PLD1: variants seen among roughly 807,000 people sequenced by gnomAD.
The protein encoded by PLD1 is phospholipase D1.
A neutral mutation model predicts 137.1 loss-of-function variants in PLD1; 112 were observed. The ratio of observed to expected loss-of-function variants is 0.82; its 90% CI spans 0.70 to 0.96. The LOEUF (loss-of-function observed/expected upper bound fraction) is 0.96, where lower values mean the gene tolerates loss of function less well. Among genes scored for constraint, PLD1 ranks in the 40% least tolerant of loss-of-function variants. The pLI is 0.00. For missense variants in PLD1, 1,321 were observed against 1,342.0 expected (o/e 0.98, Z 0.24); for synonymous variants, 431 against 454.7 (o/e 0.95, Z 0.66).
chr3:171,614,847 GC>G (rs1732971106), intron 24 of PLD1, among the ~76,000 whole-genome samples: 1 of 152,112 alleles, frequency 6.6e-6, no homozygotes, highest in Non-Finnish European at 1.5e-5. Context: ...TCTCCCACGC[GC>G]CCCCATTCCT....
chr3:171,637,370 G>A (rs911739341), intron 23 of PLD1, among the ~76,000 whole-genome samples: 1 of 151,984 alleles, frequency 6.6e-6, no homozygotes, highest in African/African-American at 2.4e-5. Context: ...CGAGTAGCTG[G>A]GACTACAGGT....
At chr3:171,701,356 T>C (rs767574698) in intron 11 of PLD1, among the ~76,000 whole-genome samples, 3 of 152,206 alleles carry the variant, frequency 2.0e-5, no homozygotes, top group South Asian at 4.1e-4. Flanking sequence ...TGTTTTAAAA[T>C]AGTAAAATGC....
chr3:171,760,163 T>G (rs6769838), intron 1 of PLD1, among the ~76,000 whole-genome samples: 57,230 of 152,114 alleles, frequency 0.38, 11,128 homozygotes, highest in Middle Eastern at 0.63. Flanking sequence ...TTTACAGATC[T>G]ACACTTCCTA....
intron 23 of PLD1, among the ~76,000 whole-genome samples, chr3:171,641,759 A>G (rs895147627): frequency 2.5e-4 from 38 of 151,848 alleles, no homozygotes; most frequent in African/African-American, 9.0e-4. Flanking sequence ...CTTTTCCATT[A>G]CCAGTGCACC....
At position 171,780,020 on chromosome 3, in the gene PLD1, G is replaced by A. The variant is rs141943053; in HGVS notation, c.-32+30379C>T. On this transcript the variant is annotated intron_variant, in intron 1 of 26. Transcript: ENST00000351298. Reference sequence around the variant, plus strand: ...GATATGTAAGTCTGAGATTCAGGACGGGGGTTTATATACATAAGTCTGAGA... The same window carrying A: ...GATATGTAAGTCTGAGATTCAGGACAGGGGTTTATATACATAAGTCTGAGA... 4.8e-3 allele frequency among the ~76,000 whole-genome samples: 636 copies of A among 131,720 alleles called. 1 individual carries two copies. Among genetic ancestry groups the A allele is most frequent in the African/African-American group, 0.02 (604 of 30,256 alleles). The allele number at this position is 131,720 out of a possible 152,430, so 86.4% of individuals were successfully genotyped here.
intron 16 of PLD1, among the ~76,000 whole-genome samples, chr3:171,685,056 G>A (rs532633717): frequency 1.3e-5 from 2 of 152,324 alleles, no homozygotes; most frequent in East Asian, 1.9e-4. Context: ...GGCCACATGC[G>A]GCCCGGGATG....
chr3:171,655,955 C>T (rs1737153969), intron 21 of PLD1, among the ~76,000 whole-genome samples: 3 of 152,154 alleles, frequency 2.0e-5, no homozygotes, highest in South Asian at 2.1e-4. Flanking sequence ...TCCCATTTTT[C>T]ACAAAGCAAA....
chr3:171,732,384 G>GC (rs1244376748), intron 6 of PLD1, among the ~76,000 whole-genome samples: 3 of 152,144 alleles, frequency 2.0e-5, no homozygotes, highest in Non-Finnish European at 4.4e-5. Context: ...TCCATTGAAT[G>GC]CCCCAGTGCA....
intron 1 of PLD1, among the ~76,000 whole-genome samples, chr3:171,800,331 C>T (rs923935299): frequency 3.3e-5 from 5 of 152,228 alleles, no homozygotes; most frequent in African/African-American, 7.2e-5. Flanking sequence ...GCCTCAGCCT[C>T]CCAAGTAGCT....
intron 18 of PLD1, among the ~76,000 whole-genome samples, chr3:171,674,974 C>T (rs1484140921): frequency 1.5e-4 from 12 of 79,048 alleles, no homozygotes; most frequent in African/African-American, 5.9e-4. Context: ...AGTGAATCTC[C>T]ATCTCAAAAA....
chr3:171,694,423 G>C (rs1297376045), intron 12 of PLD1, among the ~76,000 whole-genome samples: 1 of 152,108 alleles, frequency 6.6e-6, no homozygotes, highest in Non-Finnish European at 1.5e-5. Flanking sequence ...GGTCTGGCCA[G>C]AGAGTGCTCT....
intron 8 of PLD1, among the ~76,000 whole-genome samples, chr3:171,719,008 GC>G (rs1415116606): frequency 6.6e-6 from 1 of 152,100 alleles, no homozygotes; most frequent in African/African-American, 2.4e-5. Flanking sequence ...GCCCACTTGA[GC>G]CAGCCCTCCC....
intron 1 of PLD1, among the ~76,000 whole-genome samples, chr3:171,765,913 T>TATCTACCTTA (rs1721951419): frequency 6.6e-6 from 1 of 152,232 alleles, no homozygotes; most frequent in Non-Finnish European, 1.5e-5. Flanking sequence ...CTCCGTATCC[T>TATCTACCTTA]TTATTAAATA....
rs138732747 is a variant in PLD1 at position 171,669,357 on chromosome 3, G to T, written c.2229+5143C>A. On this transcript the variant is annotated intron_variant, in intron 19 of 26. Transcript: ENST00000351298. ...GCATAAAAATTTCTATCTAGAACAAGCTTGGTGACCTACCCAGAGAAATGT... is the reference window on the plus strand; with the variant it reads ...GCATAAAAATTTCTATCTAGAACAATCTTGGTGACCTACCCAGAGAAATGT... Among the ~76,000 whole-genome samples the T allele has an allele frequency of 4.7e-3, 710 of 152,236 alleles. 3 individuals carry two copies. Among genetic ancestry groups the T allele is most frequent in the African/African-American group, 0.017 (686 of 41,552 alleles).
chr3:171,617,363 G>A (rs1733204375), intron 24 of PLD1, among the ~76,000 whole-genome samples: 1 of 152,124 alleles, frequency 6.6e-6, no homozygotes, highest in Non-Finnish European at 1.5e-5. Flanking sequence ...CACACTTGTT[G>A]ATTGCCCCTG....
intron 19 of PLD1, 42 bp downstream of exon 19, chr3:171,674,458 T>C (rs1047828808): frequency 5.9e-6 from 6 of 1,015,342 alleles, no homozygotes; most frequent in Non-Finnish European, 9.0e-6. Context: ...GTAATTTTAC[T>C]CAGTAGCATT....
At chr3:171,707,156 G>C (rs1027581444) in intron 11 of PLD1, among the ~76,000 whole-genome samples, 4 of 152,122 alleles carry the variant, frequency 2.6e-5, no homozygotes, top group African/African-American at 9.7e-5. Flanking sequence ...ACACACACTA[G>C]GGCCTTTCAG....
At chr3:171,794,849 A>G (rs906370450) in intron 1 of PLD1, among the ~76,000 whole-genome samples, 1 of 152,256 alleles carries the variant, frequency 6.6e-6, no homozygotes, top group Non-Finnish European at 1.5e-5. Flanking sequence ...TATGGATACA[A>G]GAGTTCAAAA....
At chr3:171,638,011 T>C (rs1178460146) in intron 23 of PLD1, among the ~76,000 whole-genome samples, 1 of 151,672 alleles carries the variant, frequency 6.6e-6, no homozygotes, top group African/African-American at 2.4e-5. Context: ...AAACCCCATC[T>C]CCACTAAAAA....
Sources: gnomAD v4.1 joint callset for allele counts (sites outside exome capture counted in the v4.1 genomes callset) on GRCh38, gnomAD v4.1.1 for gene constraint, MANE v1.5 for transcripts, NCBI Gene and HGNC (gene_info 2026-07-23, HGNC 2026-07-21) for gene names.